Variants in IDUA observed in about 807,000 individuals in gnomAD.
The protein encoded by IDUA is alpha-L-iduronidase, also known as iduronidase alpha-L-.
A neutral mutation model predicts 68.9 loss-of-function variants in IDUA; 65 were observed. The observed-to-expected ratio is 0.94, with a 90% confidence interval of 0.77 to 1.16. The LOEUF is 1.16. Among genes scored for constraint, IDUA ranks in the 50% most tolerant of loss-of-function variants. The pLI, the probability that IDUA is intolerant of heterozygous loss-of-function variation, is 0.00. For missense variants in IDUA, 1,046 were observed against 938.0 expected (o/e 1.12, Z -1.50); for synonymous variants, 529 against 433.6 (o/e 1.22, Z -2.73).
At chr4:999,016 A>C (rs574649318) in intron 2 of IDUA, among the ~76,000 whole-genome samples, 2 of 152,070 alleles carry the variant, frequency 1.3e-5, no homozygotes, top group Admixed American at 1.3e-4. Flanking sequence ...CATCCTGGCT[A>C]ACATGGTGAA....
At chr4:995,746 C>G (rs1450560045) in intron 2 of IDUA, among the ~76,000 whole-genome samples, 2 of 152,224 alleles carry the variant, frequency 1.3e-5, no homozygotes, top group Non-Finnish European at 2.9e-5. Context: ...CTCACCCCAC[C>G]AAAGGTACCT....
At chr4:1,001,013 C>T (rs1361565658) in intron 4 of IDUA, 24 bp downstream of exon 4, 3 of 1,549,604 alleles carry the variant, frequency 1.9e-6, no homozygotes, top group Non-Finnish European at 2.7e-6. Flanking sequence ...GGCCCTGGGG[C>T]CCTGGCCGGG....
chr4:1,001,936 C>A, intron 6 of IDUA, 46 bp from the exon 7 acceptor site: 3 of 1,569,752 alleles, frequency 1.9e-6, no homozygotes, highest in Non-Finnish European at 2.6e-6. Flanking sequence ...CCGCTGTGCC[C>A]CGGGCCGCGC....
At chr4:1,000,392 G>C (rs1715000703) in intron 2 of IDUA, among the ~76,000 whole-genome samples, 1 of 152,232 alleles carries the variant, frequency 6.6e-6, no homozygotes, top group African/African-American at 2.4e-5. Context: ...TCCATCTCTT[G>C]ATGGTGTAGG....
intron 2 of IDUA, among the ~76,000 whole-genome samples, chr4:994,741 C>T (rs981300044): frequency 1.3e-5 from 2 of 150,658 alleles, no homozygotes; most frequent in African/African-American, 4.9e-5. Flanking sequence ...CCGGCCGCCC[C>T]CTGCCCCCCA....
At chr4:1,002,185 C>T in intron 7 of IDUA, 24 bp downstream of exon 7, 2 of 1,559,648 alleles carry the variant, frequency 1.3e-6, no homozygotes, top group Non-Finnish European at 1.7e-6. Flanking sequence ...ACGCCCTGCG[C>T]GCCCCCCGGC....
chr4:990,045 G>A (rs762007143), intron 2 of IDUA: 5 of 1,600,212 alleles, frequency 3.1e-6, no homozygotes, highest in Non-Finnish European at 4.3e-6. Context: ...CCACCACGAT[G>A]ACCAGCAGCT....
At chr4:991,730 C>A (rs771852879) in intron 2 of IDUA, 20 of 1,529,790 alleles carry the variant, frequency 1.3e-5, no homozygotes, top group Non-Finnish European at 1.7e-5. Context: ...CCGTGGCCGA[C>A]CTGCGGCCGA....
intron 2 of IDUA, among the ~76,000 whole-genome samples, chr4:994,654 G>C (rs1714631452): frequency 6.6e-6 from 1 of 152,044 alleles, no homozygotes; most frequent in African/African-American, 2.4e-5. Context: ...AGCCAGGATG[G>C]TCTTGATCTC....
chr4:999,438 C>T (rs184847515), intron 2 of IDUA, among the ~76,000 whole-genome samples: 156 of 152,312 alleles, frequency 1.0e-3, no homozygotes, highest in Non-Finnish European at 1.1e-3. Flanking sequence ...TTTGCACTGG[C>T]GATGCCATCT....
At chr4:997,210 C>G (rs910426808) in intron 2 of IDUA, among the ~76,000 whole-genome samples, 1 of 152,078 alleles carries the variant, frequency 6.6e-6, no homozygotes, top group Admixed American at 6.5e-5. Flanking sequence ...GAGGAGGCCC[C>G]GGCCCGCACC....
intron 12 of IDUA, 112 bp from the exon 13 acceptor site, chr4:1,003,900 C>T: frequency 5.2e-6 from 5 of 968,304 alleles, no homozygotes; most frequent in Admixed American, 3.4e-5. Context: ...GGGGAGGTGC[C>T]GCCGAGGGGC....
At chr4:1,000,572 G>A in intron 2 of IDUA, 40 bp from the exon 3 acceptor site, 1 of 1,499,468 alleles carries the variant, frequency 6.7e-7, no homozygotes, top group Non-Finnish European at 9.3e-7. Flanking sequence ...ATGGAGCTGT[G>A]TGGGCACCCT....
chr4:987,644 G>A (rs894783325), intron 1 of IDUA, 165 bp from the exon 2 acceptor site: 25 of 1,452,344 alleles, frequency 1.7e-5, no homozygotes, highest in Middle Eastern at 2.5e-4. Flanking sequence ...CATGAAGATG[G>A]GACCTCCCCA....
In IDUA at chr4:995,718, G is replaced by A. The variant is rs541092870; in HGVS notation, c.300-4894G>A. Among the ~76,000 whole-genome samples the A allele has an allele frequency of 3.3e-5, 5 of 152,354 alleles. No individual in the cohort carries two copies. In the East Asian group the frequency reaches 7.7e-4, roughly 23 times the overall value. ...GACATTGATGGGGCACAGCCCCGGA[G>A]GGAGGAGACCCTGGACACTCACCCC... On this transcript the variant is annotated intron_variant, in intron 2 of 13. Transcript: ENST00000514224.
At chr4:1,001,021 G>A (rs376387690) in intron 4 of IDUA, 32 bp downstream of exon 4, 30 of 1,487,676 alleles carry the variant, frequency 2.0e-5, no homozygotes, top group East Asian at 4.5e-5. Context: ...GGCCCTGGCC[G>A]GGGCGGGGGT....
chr4:998,897 C>T (rs994012331), intron 2 of IDUA, among the ~76,000 whole-genome samples: 1 of 152,076 alleles, frequency 6.6e-6, no homozygotes, highest in Non-Finnish European at 1.5e-5. Context: ...CCCATGGCCC[C>T]CAGCCAGTCT....
chr4:1,002,788 C>G lies in IDUA; in HGVS notation c.1246C>G (p.His416Asp). 1 of 1,472,356 alleles carries G rather than the reference C, an allele frequency of 6.8e-7. No homozygotes were observed. The highest frequency in any genetic ancestry group is 8.9e-7 in the Non-Finnish European group (1 of 1,117,874). The allele number at this position is 1,472,356 out of a possible 1,614,324, so 91.2% of individuals were successfully genotyped here. A position where few individuals can be genotyped will look rare whatever the true frequency, so the allele number is the denominator to read the frequency against. ...SQAGTVLDSN[H>D]TVGVLASAHR... ...GGCCGGGACCGTCCTGGACAGCAAC[C>G]ACACGGTGGGCGTCCTGGCCAGCGC... The change falls in exon 9 of 14, where the codon CAC becomes GAC. Residue 416 changes from histidine (H) to aspartate (D), a missense_variant. His to Asp is a moderately conservative substitution (Grantham distance 81). Transcript: ENST00000514224.
In IDUA at chr4:1,004,502, T is replaced by G; in HGVS notation, c.*109T>G. 1 of 1,131,956 alleles carries G rather than the reference T, an allele frequency of 8.8e-7. No homozygotes were observed. The highest frequency in any genetic ancestry group is 1.2e-6 in the Non-Finnish European group (1 of 808,036). 70.1% of individuals were successfully genotyped at this position (1,131,956 alleles called of 1,614,324 possible). ...ACCCCCTTTGCAATATATTTTTATA[T>G]TTTATTATTTTCTTTTATATCTTGG... On this transcript the variant is annotated 3_prime_UTR_variant, in exon 14 of 14. Transcript: ENST00000514224. The surrounding 1 kb of genome is among the most constrained non-coding windows in gnomAD (Gnocchi z 5.0).
Sources: allele counts gnomAD v4.1 joint callset (sites outside exome capture counted in the v4.1 genomes callset), GRCh38; gene constraint gnomAD v4.1.1; non-coding constraint Gnocchi (gnomAD v3.1); transcripts MANE v1.5; gene names NCBI Gene and HGNC (gene_info 2026-07-23, HGNC 2026-07-21).